The following ZNF714 variants were observed in gnomAD, a reference collection of about 807,000 sequenced individuals.
ZNF714 encodes the protein zinc finger protein 714.
In ZNF714, 32 loss-of-function variants were observed where a neutral mutation model predicts 46.2. The ratio of observed to expected loss-of-function variants is 0.69; its 90% CI spans 0.52 to 0.93. The LOEUF is 0.93. ZNF714 is among the 40% of genes least tolerant of loss of function. The probability of loss-of-function intolerance (pLI) is 0.00; values close to 1 mark genes in which losing one functional copy is unlikely to be tolerated. For missense variants in ZNF714, 635 were observed against 646.3 expected (o/e 0.98, Z 0.19); for synonymous variants, 199 against 213.1 (o/e 0.93, Z 0.58).
In ZNF714 at chr19:21,123,751, A is replaced by G. The variant is rs1170114047; in HGVS notation, c.*5419A>G. 6.6e-6 allele frequency: 1 copy of G among 152,114 alleles called. No individual in the cohort carries two copies. 9.4% of individuals were successfully genotyped at this position (152,114 alleles called of 1,614,324 possible). A position where few individuals can be genotyped will look rare whatever the true frequency, so the allele number is the denominator to read the frequency against. ...GTAAAGATTGCAAAATAATAAAATG[A>G]CCTCTGAATTTAAAATTTAGAAAAA... On this transcript the variant is annotated 3_prime_UTR_variant, in exon 5 of 5. Transcript: ENST00000456283.
At chr19:21,108,510 C>T (rs542226369) in intron 4 of ZNF714, among the ~76,000 whole-genome samples, 8 of 152,278 alleles carry the variant, frequency 5.3e-5, no homozygotes, top group Non-Finnish European at 1.0e-4. Flanking sequence ...AAAGTTTTCA[C>T]TCCATTAATT....
chr19:21,102,613 G>A (rs1337006554), intron 4 of ZNF714, among the ~76,000 whole-genome samples: 2 of 152,124 alleles, frequency 1.3e-5, no homozygotes, highest in South Asian at 2.1e-4. Context: ...CTTATTAAAA[G>A]TTTCTCATTA....
In ZNF714 at chr19:21,117,359, AAG is replaced by A. The variant is rs781721659; in HGVS notation, c.697_698del (p.Glu233MetfsTer15). ...ACTGGAGAGAAACCCTACAGATGTG[AAG>A]AATGTGGCAAAGCCTTCTACCATTC... On this transcript the variant is annotated frameshift_variant, in exon 5 of 5. Transcript: ENST00000456283. LOFTEE classifies it high-confidence loss of function. 13 of 1,613,208 alleles carry A rather than the reference AAG, an allele frequency of 8.1e-6. No individual in the cohort carries two copies. In the South Asian group the frequency reaches 1.3e-4, roughly 16 times the overall value.
chr19:21,099,081 C>G (rs1163890696), intron 4 of ZNF714, among the ~76,000 whole-genome samples, 171 bp downstream of exon 4: 1 of 152,034 alleles, frequency 6.6e-6, no homozygotes, highest in Non-Finnish European at 1.5e-5. Context: ...AGGGCATCTT[C>G]TGTCTTATGC....
chr19:21,102,355 T>C (rs533425975), intron 4 of ZNF714, among the ~76,000 whole-genome samples: 1 of 152,310 alleles, frequency 6.6e-6, no homozygotes, highest in South Asian at 2.1e-4. Context: ...GTTACTTAAA[T>C]TTAAGTTTGC....
chr19:21,116,737 G>C (rs1191693824), intron 4 of ZNF714, 70 bp from the exon 5 acceptor site: 22 of 1,480,942 alleles, frequency 1.5e-5, no homozygotes, highest in Non-Finnish European at 1.9e-5. Context: ...GTATAATATA[G>C]GTTAGATTTG....
rs1017967875 is a variant in ZNF714, at chr19:21,121,607, AGTGT to A, written c.*3285_*3288del. On this transcript the variant is annotated 3_prime_UTR_variant, in exon 5 of 5. Transcript: ENST00000456283. ...TTAGGTGTAAGAAAATTATGGAATA[AGTGT>A]GTGTGTGTGAGTATGAGTTTGTACC... is the stretch of plus-strand genomic sequence containing the variant. The A allele has an allele frequency of 6.6e-6, 1 of 152,044 alleles. No individual in the cohort carries two copies. The highest frequency in any genetic ancestry group is 1.5e-5 in the Non-Finnish European group (1 of 67,968). 9.4% of individuals were successfully genotyped at this position (152,044 alleles called of 1,614,324 possible). A position where few individuals can be genotyped will look rare whatever the true frequency, so the allele number is the denominator to read the frequency against.
intron 2 of ZNF714, among the ~76,000 whole-genome samples, chr19:21,084,878 C>T (rs1406781250): frequency 6.6e-6 from 1 of 151,786 alleles, no homozygotes. Context: ...CCTTGGCCTC[C>T]CAAAGTGCTG....
At chr19:21,104,697 C>T (rs989252190) in intron 4 of ZNF714, among the ~76,000 whole-genome samples, 4 of 152,054 alleles carry the variant, frequency 2.6e-5, no homozygotes, top group South Asian at 2.1e-4. Context: ...ACTGCAACCT[C>T]CGCCTCCTGG....
At chr19:21,101,138 T>C (rs1212710963) in intron 4 of ZNF714, among the ~76,000 whole-genome samples, 1 of 152,228 alleles carries the variant, frequency 6.6e-6, no homozygotes, top group Non-Finnish European at 1.5e-5. Flanking sequence ...GACTAATCCT[T>C]GTGCCATACA....
chr19:21,087,919 A>G lies in ZNF714; in HGVS notation c.-85+3850A>G, dbSNP rs549556496. Among the ~76,000 whole-genome samples, 7 of 152,234 alleles carry G rather than the reference A, an allele frequency of 4.6e-5. No individual in the cohort carries two copies. In the South Asian group the frequency reaches 8.3e-4, roughly 18 times the overall value. On this transcript the variant is annotated intron_variant, in intron 2 of 4. Coordinates refer to ENST00000456283, the MANE Select transcript of ZNF714 (RefSeq NM_182515.4). ...ACTGTTTTTTAGTAGTCAAAGTTAC[A>G]TGTTACAATGTTAACTCTTAGCAAC...
intron 4 of ZNF714, among the ~76,000 whole-genome samples, chr19:21,110,249 C>T (rs974651246): frequency 1.3e-5 from 2 of 152,226 alleles, no homozygotes; most frequent in African/African-American, 4.8e-5. Flanking sequence ...CATAGCCTCA[C>T]CAACATCTGT....
intron 2 of ZNF714, among the ~76,000 whole-genome samples, chr19:21,095,400 C>CGT (rs932773852): frequency 6.6e-6 from 1 of 152,100 alleles, no homozygotes; most frequent in Non-Finnish European, 1.5e-5. Context: ...CAGTAAATAC[C>CGT]GTGGGCTCCC....
chr19:21,106,971 C>T (rs995670004), intron 4 of ZNF714, among the ~76,000 whole-genome samples: 11 of 151,902 alleles, frequency 7.2e-5, no homozygotes, highest in Non-Finnish European at 1.3e-4. Context: ...GGATTACAGG[C>T]ACACGCTGCC....
chr19:21,098,970 A>AAC, intron 4 of ZNF714, 60 bp downstream of exon 4: 1 of 1,165,176 alleles, frequency 8.6e-7, no homozygotes, highest in Non-Finnish European at 1.2e-6. Context: ...AAAAAAAAAA[A>AAC]AAAAGCAAGC....
Position 21,117,254 on chromosome 19 carries a change from G to A in ZNF714, c.590G>A (p.Gly197Glu). The A allele has an allele frequency of 1.2e-6, 2 of 1,613,984 alleles. No individual in the cohort carries two copies. The highest frequency in any genetic ancestry group is 1.7e-6 in the Non-Finnish European group (2 of 1,179,932). Residue 197 changes from glycine to glutamate, a missense_variant, in exon 5 of 5, where the codon GGA (glycine) becomes GAA (glutamate). Gly to Glu is a moderately conservative substitution (Grantham distance 98). Coordinates refer to ENST00000456283, the MANE Select transcript of ZNF714 (RefSeq NM_182515.4). ...TLTRHKRVHTGEKPFKCEECG... is the reference protein window; with the variant it reads ...TLTRHKRVHTEEKPFKCEECG... ...ACTAGACACAAGAGAGTTCATACTGGAGAGAAACCCTTCAAATGTGAAGAA... is the reference window on the plus strand; with the variant it reads ...ACTAGACACAAGAGAGTTCATACTGAAGAGAAACCCTTCAAATGTGAAGAA...
chr19:21,112,188 A>T (rs1969462586), intron 4 of ZNF714, among the ~76,000 whole-genome samples: 1 of 152,118 alleles, frequency 6.6e-6, no homozygotes, highest in Admixed American at 6.6e-5. Context: ...CCTCTGGTAG[A>T]ATTTAGCTAT....
chr19:21,118,176 G>A lies in ZNF714; in HGVS notation c.1512G>A (p.Gln504=). 1 of 1,612,250 alleles carries A rather than the reference G, an allele frequency of 6.2e-7. No individual in the cohort carries two copies. Among genetic ancestry groups the A allele is most frequent in the Non-Finnish European group, 8.5e-7 (1 of 1,178,990 alleles). The change falls in exon 5 of 5, where the codon CAG becomes CAA. Residue 504 remains glutamine, a synonymous_variant. Coordinates refer to ENST00000456283, the MANE Select transcript of ZNF714 (RefSeq NM_182515.4). ...TTACTAAACATAGGAAAATTCAGCA[G>A]GGCATGGTGGCTCATGCCTGTAATC... ...STLTKHRKIQ[Q]GMVAHACNPN...
rs1969752724 is a variant in ZNF714 at position 21,124,048 on chromosome 19, A to C, written c.*5716A>C. ...AACACCTGCCCCTTTAGTGGCTTTC[A>C]TACCATTACCACCAGTACCAGAAAC... On this transcript the variant is annotated 3_prime_UTR_variant, in exon 5 of 5. Transcript: ENST00000456283. 6.6e-6 allele frequency: 1 copy of C among 152,158 alleles called. No homozygotes were observed. The highest frequency in any genetic ancestry group is 6.6e-5 in the Admixed American group (1 of 15,266). The allele number at this position is 152,158 out of a possible 1,614,324, so 9.4% of individuals were successfully genotyped here. A position where few individuals can be genotyped will look rare whatever the true frequency, so the allele number is the denominator to read the frequency against.
Sources: allele counts gnomAD v4.1 joint callset (sites outside exome capture counted in the v4.1 genomes callset), GRCh38; gene constraint gnomAD v4.1.1; transcripts MANE v1.5; gene names NCBI Gene and HGNC (gene_info 2026-07-23, HGNC 2026-07-21).